Variants in EPHA6 observed in about 807,000 individuals in gnomAD.
EPHA6 encodes the protein ephrin type-A receptor 6.
EPHA6 carries 50 observed loss-of-function variants against 112.0 expected under a neutral mutation model. The ratio of observed to expected loss-of-function variants is 0.45; its 90% confidence interval spans 0.36 to 0.56. EPHA6 has a LOEUF of 0.56. EPHA6 is among the 20% of genes least tolerant of loss of function. EPHA6 has a pLI of 0.00. For missense variants in EPHA6, 1,280 were observed against 1,417.4 expected (o/e 0.90, Z 1.56); for synonymous variants, 529 against 490.7 (o/e 1.08, Z -1.03).
intron 3 of EPHA6, among the ~76,000 whole-genome samples, chr3:96,994,622 G>A (rs2043334126): frequency 6.6e-6 from 1 of 150,466 alleles, no homozygotes; most frequent in Non-Finnish European, 1.5e-5. Flanking sequence ...TCTCATTAAG[G>A]TAGTGGTACT....
At chr3:97,213,237 C>T (rs887160016) in intron 3 of EPHA6, among the ~76,000 whole-genome samples, 5 of 152,106 alleles carry the variant, frequency 3.3e-5, no homozygotes, top group Non-Finnish European at 5.9e-5. Flanking sequence ...TGTGCTGTGC[C>T]CTTCTGCAAC....
At chr3:97,078,225 A>T (rs1559713386) in intron 3 of EPHA6, among the ~76,000 whole-genome samples, 1 of 152,078 alleles carries the variant, frequency 6.6e-6, no homozygotes, top group Non-Finnish European at 1.5e-5. Flanking sequence ...TCCTTTGCCC[A>T]TTTTTTGATG....
chr3:97,327,238 G>A (rs2082476184), intron 5 of EPHA6, among the ~76,000 whole-genome samples: 1 of 151,930 alleles, frequency 6.6e-6, no homozygotes, highest in East Asian at 1.9e-4. Context: ...ACTAATCTAT[G>A]CCATATATTG....
chr3:97,483,794 G>T, intron 9 of EPHA6, 140 bp from the exon 10 acceptor site: 1 of 865,154 alleles, frequency 1.2e-6, no homozygotes. Context: ...GCTTTAATAT[G>T]GGACAGGAAG....
chr3:97,367,690 G>T (rs2084816319), intron 5 of EPHA6, among the ~76,000 whole-genome samples: 1 of 151,614 alleles, frequency 6.6e-6, no homozygotes, highest in Non-Finnish European at 1.5e-5. Flanking sequence ...ATCCCAATTT[G>T]AATATACTAT....
chr3:97,356,928 T>C (rs1262445895), intron 5 of EPHA6, among the ~76,000 whole-genome samples: 1 of 152,216 alleles, frequency 6.6e-6, no homozygotes, highest in Non-Finnish European at 1.5e-5. Flanking sequence ...TTCAATTCTA[T>C]CAGTTTTTGA....
At chr3:97,336,843 G>C (rs1038668510) in intron 5 of EPHA6, among the ~76,000 whole-genome samples, 2 of 151,540 alleles carry the variant, frequency 1.3e-5, no homozygotes, top group Non-Finnish European at 2.9e-5. Flanking sequence ...GTTTTTCATT[G>C]TCACACATTT....
At chr3:96,986,710 GT>G (rs2043035296) in intron 2 of EPHA6, among the ~76,000 whole-genome samples, 1 of 152,138 alleles carries the variant, frequency 6.6e-6, no homozygotes, top group South Asian at 2.1e-4. Context: ...AAGGCAGAGA[GT>G]TTTTGTTCAG....
At chr3:96,978,528 G>A (rs2042623305) in intron 2 of EPHA6, among the ~76,000 whole-genome samples, 1 of 151,768 alleles carries the variant, frequency 6.6e-6, no homozygotes, top group African/African-American at 2.4e-5. Flanking sequence ...CTTGTTTTAG[G>A]GAATCAGATC....
At chr3:97,198,971 A>C (rs370576650) in intron 3 of EPHA6, among the ~76,000 whole-genome samples, 10 of 152,098 alleles carry the variant, frequency 6.6e-5, no homozygotes, top group South Asian at 2.1e-4. Flanking sequence ...CAGTTTCCCA[A>C]GTAAGTATAG....
chr3:97,476,614 C>A (rs2091376225), intron 8 of EPHA6, among the ~76,000 whole-genome samples: 1 of 150,600 alleles, frequency 6.6e-6, no homozygotes, highest in South Asian at 2.1e-4. Context: ...TGACAGCACA[C>A]CAAAAAGTAT....
chr3:97,356,233 C>T (rs952937899), intron 5 of EPHA6, among the ~76,000 whole-genome samples: 1 of 152,182 alleles, frequency 6.6e-6, no homozygotes, highest in Non-Finnish European at 1.5e-5. Context: ...TCTTCCATCA[C>T]CCCCTCATGG....
chr3:97,085,154 A>C (rs1170295978), intron 3 of EPHA6, among the ~76,000 whole-genome samples: 1 of 152,170 alleles, frequency 6.6e-6, no homozygotes, highest in African/African-American at 2.4e-5. Context: ...TCATCAATTA[A>C]ATAAAAATGT....
At chr3:97,706,694 T>G (rs2033693806) in intron 14 of EPHA6, among the ~76,000 whole-genome samples, 1 of 152,144 alleles carries the variant, frequency 6.6e-6, no homozygotes, top group Non-Finnish European at 1.5e-5. Context: ...TTCTGACTTT[T>G]CTTGTCAGCT....
At chr3:96,856,182 G>A (rs2035685735) in intron 1 of EPHA6, among the ~76,000 whole-genome samples, 1 of 152,058 alleles carries the variant, frequency 6.6e-6, no homozygotes, top group African/African-American at 2.4e-5. Flanking sequence ...GGAGGTTGCA[G>A]TGAGCGGAGA....
chr3:97,002,234 G>A (rs1321297762), intron 3 of EPHA6, among the ~76,000 whole-genome samples: 1 of 151,562 alleles, frequency 6.6e-6, no homozygotes, highest in African/African-American at 2.4e-5. Context: ...TGACCAGGAG[G>A]ACTTTCCTCT....
chr3:97,248,044 T>G (rs745949620), intron 5 of EPHA6, among the ~76,000 whole-genome samples: 10 of 151,984 alleles, frequency 6.6e-5, no homozygotes, highest in Non-Finnish European at 1.2e-4. Context: ...AAAACCACAT[T>G]AAACAAATCT....
intron 1 of EPHA6, among the ~76,000 whole-genome samples, chr3:96,829,650 G>C (rs1354049182): frequency 6.6e-6 from 1 of 152,012 alleles, no homozygotes; most frequent in Non-Finnish European, 1.5e-5. Context: ...ATTTATGGCA[G>C]TATAGGAGCT....
chr3:96,999,733 C>T (rs922578744), intron 3 of EPHA6, among the ~76,000 whole-genome samples: 1 of 151,832 alleles, frequency 6.6e-6, no homozygotes, highest in Non-Finnish European at 1.5e-5. Context: ...GCACAGTTTT[C>T]TCCATCAGGC....
Sources: gnomAD v4.1 joint callset for allele counts (sites outside exome capture counted in the v4.1 genomes callset) on GRCh38, gnomAD v4.1.1 for gene constraint, MANE v1.5 for transcripts, NCBI Gene and HGNC (gene_info 2026-07-23, HGNC 2026-07-21) for gene names.